The following PAK2 variants were observed in gnomAD, a reference collection of about 807,000 sequenced individuals.
PAK2 encodes serine/threonine-protein kinase PAK 2.
In PAK2, 21 loss-of-function variants were observed where a neutral mutation model predicts 65.9. The observed-to-expected ratio is 0.32, with a 90% confidence interval of 0.23 to 0.46. The LOEUF is 0.46. Among genes scored for constraint, PAK2 ranks in the 20% least tolerant of loss-of-function variants. The pLI is 1.00. For missense variants in PAK2, 324 were observed against 642.6 expected (o/e 0.50, Z 5.36); for synonymous variants, 204 against 219.7 (o/e 0.93, Z 0.63).
chr3:196,767,282 T>C (rs141506397), intron 1 of PAK2, among the ~76,000 whole-genome samples: 1,663 of 152,194 alleles, frequency 0.011, 20 homozygotes, highest in Non-Finnish European at 0.018. Context: ...TTGGATAGAT[T>C]TTTAGAAACG....
intron 1 of PAK2, among the ~76,000 whole-genome samples, chr3:196,743,627 C>T (rs1180960424): frequency 1.3e-5 from 2 of 152,118 alleles, no homozygotes; most frequent in East Asian, 1.9e-4. Context: ...GTGGGCCGAT[C>T]ACTTGAGGTC....
Position 196,765,001 on chromosome 3 carries a change from C to T in PAK2, c.-21-17625C>T, listed in dbSNP as rs540323201. Among the ~76,000 whole-genome samples the T allele has an allele frequency of 5.4e-3, 822 of 151,398 alleles. 5 individuals carry two copies. The highest frequency in any genetic ancestry group is 0.019 in the African/African-American group (767 of 41,294). On this transcript the variant is annotated intron_variant, in intron 1 of 14. Coordinates refer to ENST00000327134, the MANE Select transcript of PAK2 (RefSeq NM_002577.4). ...GGGACACTACAGGCACCCGCCACCA[C>T]GCCCAGCTAATTTTTTGTATTTTTA...
At chr3:196,783,579 C>CAAAAA (rs11417269) in intron 2 of PAK2, among the ~76,000 whole-genome samples, 108 of 114,862 alleles carry the variant, frequency 9.4e-4, no homozygotes, top group African/African-American at 3.2e-3. Context: ...GAGACTCTCT[C>CAAAAA]AAAAAAAAAA....
intron 11 of PAK2, among the ~76,000 whole-genome samples, chr3:196,816,978 C>G (rs1373014762): frequency 6.6e-6 from 1 of 151,932 alleles, no homozygotes; most frequent in Non-Finnish European, 1.5e-5. Flanking sequence ...TAAGTGGAAC[C>G]AGGCCACCCA....
intron 1 of PAK2, among the ~76,000 whole-genome samples, chr3:196,749,213 G>T (rs1408534078): frequency 6.6e-6 from 1 of 152,018 alleles, no homozygotes; most frequent in African/African-American, 2.4e-5. Flanking sequence ...GAACATGGGT[G>T]TACAAATACC....
At chr3:196,764,512 G>A (rs55708338) in intron 1 of PAK2, among the ~76,000 whole-genome samples, 8 of 151,418 alleles carry the variant, frequency 5.3e-5, no homozygotes, top group Admixed American at 1.3e-4. Context: ...CCAGCTACTC[G>A]GGAGGCTGAG....
intron 1 of PAK2, among the ~76,000 whole-genome samples, chr3:196,758,293 A>AGGT (rs1210022456): frequency 6.6e-6 from 1 of 152,252 alleles, no homozygotes; most frequent in East Asian, 1.9e-4. Context: ...GGCAGTGAAG[A>AGGT]GGTATCAGAG....
rs77835098 is a variant in PAK2 at position 196,812,134 on chromosome 3, A to G, written c.774-85A>G. On this transcript the variant is annotated intron_variant, in intron 8 of 14. Transcript: ENST00000327134. ...CATCCTGTTCTTTAATTCTTTTTCA[A>G]TTGCTTGAAGTGTAAAGTCTTTGGA... 21,137 of 808,360 alleles carry G rather than the reference A, an allele frequency of 0.026. 1,228 individuals are homozygous for G. Among genetic ancestry groups the G allele is most frequent in the Admixed American group, 0.18 (9,444 of 52,782 alleles). The allele number at this position is 808,360 out of a possible 1,614,324, so 50.1% of individuals were successfully genotyped here.
At chr3:196,747,677 G>A (rs1430008447) in intron 1 of PAK2, among the ~76,000 whole-genome samples, 1 of 152,018 alleles carries the variant, frequency 6.6e-6, no homozygotes, top group Non-Finnish European at 1.5e-5. Context: ...ATAACCTATT[G>A]ATTAAATTTA....
chr3:196,783,051 T>C (rs1714762346), intron 2 of PAK2, among the ~76,000 whole-genome samples: 1 of 152,098 alleles, frequency 6.6e-6, no homozygotes, highest in Non-Finnish European at 1.5e-5. Flanking sequence ...GGCCAATGAA[T>C]TTCTATATTC....
In PAK2 at chr3:196,782,795, G is replaced by T; in HGVS notation, c.149G>T (p.Arg50Met). Residue 50 changes from arginine (R) to methionine (M), a missense_variant, in exon 2 of 15, where the codon AGG becomes ATG. By Grantham distance (91) the Arg-to-Met change is moderately conservative. Around this residue, in one of 5 missense-constraint regions of PAK2, gnomAD observed 42 missense variants for 67.4 expected, o/e 0.62. Coordinates refer to ENST00000327134, the MANE Select transcript of PAK2 (RefSeq NM_002577.4). ...LPSVPEEKKPRHKIISIFSGT... is the reference protein window; with the variant it reads ...LPSVPEEKKPMHKIISIFSGT... The stretch of plus-strand genomic sequence containing the variant: ...TCTGTTCCAGAAGAGAAAAAGCCCA[G>T]GCATAAAATCATCTCCATATTCTCA... The T allele has an allele frequency of 6.2e-7, 1 of 1,613,172 alleles. No homozygotes were observed. The highest frequency in any genetic ancestry group is 1.1e-5 in the South Asian group (1 of 90,882).
At chr3:196,816,149 G>A (rs1248905051) in intron 11 of PAK2, among the ~76,000 whole-genome samples, 1 of 152,086 alleles carries the variant, frequency 6.6e-6, no homozygotes, top group Non-Finnish European at 1.5e-5. Flanking sequence ...AAGTTTATAA[G>A]ACTATATTGT....
intron 8 of PAK2, among the ~76,000 whole-genome samples, chr3:196,811,455 C>G (rs978894523): frequency 4.2e-5 from 5 of 117,708 alleles, no homozygotes; most frequent in African/African-American, 1.3e-4. Context: ...AATCTCAGCT[C>G]ACTGCAACCT....
chr3:196,815,597 A>G (rs368596030), intron 11 of PAK2, among the ~76,000 whole-genome samples: 4 of 151,574 alleles, frequency 2.6e-5, no homozygotes, highest in South Asian at 4.2e-4. Context: ...GACCATCCTG[A>G]CCAACACGGT....
chr3:196,823,017 A>T (rs1711705224), intron 13 of PAK2, among the ~76,000 whole-genome samples: 1 of 152,146 alleles, frequency 6.6e-6, no homozygotes, highest in African/African-American at 2.4e-5. Flanking sequence ...ACTGGAGGCC[A>T]AATGGGGAAA....
rs1208349485 is a variant in PAK2 at position 196,832,195 on chromosome 3, C to T, written c.*3790C>T. The T allele has an allele frequency of 1.3e-5, 2 of 152,150 alleles. No individual in the cohort carries two copies. The highest frequency in any genetic ancestry group is 4.8e-5 in the African/African-American group (2 of 41,454). The allele number at this position is 152,150 out of a possible 1,614,324, so 9.4% of individuals were successfully genotyped here. On this transcript the variant is annotated 3_prime_UTR_variant, in exon 15 of 15. Transcript: ENST00000327134. ...TAGTTCTGTCAAGCACACTTCTGTT[C>T]TCTTAGAACTTAGAAGTGTTTCTAA... is the stretch of plus-strand genomic sequence containing the variant.
At chr3:196,796,645 G>A (rs1715268701) in intron 2 of PAK2, among the ~76,000 whole-genome samples, 1 of 152,110 alleles carries the variant, frequency 6.6e-6, no homozygotes. Context: ...AAAATACTTA[G>A]TCCAGAAGAA....
intron 7 of PAK2, 148 bp from the exon 8 acceptor site, chr3:196,810,442 G>T: frequency 1.6e-6 from 1 of 623,440 alleles, no homozygotes; most frequent in Admixed American, 3.0e-5. Context: ...TTAGTGTTTT[G>T]TGTTTGAAAC....
chr3:196,826,447 C>T (rs1052526059), intron 13 of PAK2, among the ~76,000 whole-genome samples: 4 of 151,982 alleles, frequency 2.6e-5, no homozygotes, highest in Non-Finnish European at 5.9e-5. Flanking sequence ...ACTGGGATTA[C>T]AGGCGTGAGC....
Sources: gnomAD v4.1 joint callset for allele counts (sites outside exome capture counted in the v4.1 genomes callset) on GRCh38, gnomAD v4.1.1 for gene constraint, gnomAD v4.1.1 regional missense constraint, MANE v1.5 for transcripts, NCBI Gene and HGNC (gene_info 2026-07-23, HGNC 2026-07-21) for gene names.